CDKAL1: variants seen among roughly 807,000 people sequenced by gnomAD.
The protein encoded by CDKAL1 is CDKAL1 threonylcarbamoyladenosine tRNA methylthiotransferase.
A neutral mutation model predicts 68.2 loss-of-function variants in CDKAL1; 32 were observed. The ratio of observed to expected loss-of-function variants is 0.47; its 90% CI spans 0.35 to 0.63. The LOEUF (loss-of-function observed/expected upper bound fraction) is 0.63. Ranked by LOEUF, CDKAL1 falls within the 30% of genes least tolerant of loss-of-function variation. The probability of loss-of-function intolerance (pLI) is 0.00; values close to 1 mark genes in which losing one functional copy is unlikely to be tolerated. For missense variants in CDKAL1, 606 were observed against 696.7 expected (o/e 0.87, Z 1.47); for synonymous variants, 234 against 244.3 (o/e 0.96, Z 0.39).
chr6:20,874,750 A>G (rs1343539828), intron 9 of CDKAL1, among the ~76,000 whole-genome samples: 1 of 151,816 alleles, frequency 6.6e-6, no homozygotes, highest in Non-Finnish European at 1.5e-5. Context: ...TGATCCGCCT[A>G]CCTTGGCCTC....
chr6:20,562,348 A>C (rs569747151), intron 4 of CDKAL1, among the ~76,000 whole-genome samples: 1 of 152,268 alleles, frequency 6.6e-6, no homozygotes, highest in East Asian at 1.9e-4. Flanking sequence ...GGAAATTTAG[A>C]GTCTCTGGAG....
chr6:20,775,104 G>A (rs1410047922), intron 7 of CDKAL1, among the ~76,000 whole-genome samples: 1 of 152,120 alleles, frequency 6.6e-6, no homozygotes, highest in African/African-American at 2.4e-5. Flanking sequence ...ATATATGCCA[G>A]TCTTCCTTTC....
At chr6:20,554,040 A>G (rs1763938585) in intron 4 of CDKAL1, among the ~76,000 whole-genome samples, 1 of 151,890 alleles carries the variant, frequency 6.6e-6, no homozygotes, top group African/African-American at 2.4e-5. Flanking sequence ...GACTGGTCTA[A>G]CTCCTGGCCT....
chr6:21,185,268 G>A (rs1433245920), intron 13 of CDKAL1, among the ~76,000 whole-genome samples: 1 of 150,948 alleles, frequency 6.6e-6, no homozygotes, highest in African/African-American at 2.4e-5. Context: ...CTTTTGAAAG[G>A]TGTTACTGAT....
At chr6:21,144,674 C>T (rs1776078092) in intron 13 of CDKAL1, among the ~76,000 whole-genome samples, 1 of 150,272 alleles carries the variant, frequency 6.7e-6, no homozygotes, top group Admixed American at 6.6e-5. Context: ...GTGGCATGTA[C>T]CTATAGTCCC....
At chr6:20,907,077 C>T (rs1013708776) in intron 9 of CDKAL1, among the ~76,000 whole-genome samples, 10 of 151,892 alleles carry the variant, frequency 6.6e-5, no homozygotes, top group Admixed American at 3.3e-4. Context: ...TGAGAGTAGA[C>T]GGAATTGGGG....
At chr6:20,908,032 T>G (rs958571122) in intron 9 of CDKAL1, among the ~76,000 whole-genome samples, 1 of 152,148 alleles carries the variant, frequency 6.6e-6, no homozygotes, top group Non-Finnish European at 1.5e-5. Context: ...AGCTTCACTT[T>G]TGCTCCAAAA....
At chr6:20,618,797 G>A (rs897528331) in intron 4 of CDKAL1, among the ~76,000 whole-genome samples, 1 of 151,928 alleles carries the variant, frequency 6.6e-6, no homozygotes, top group Non-Finnish European at 1.5e-5. Flanking sequence ...TCCTGCCTCA[G>A]CCTCCTGAGT....
rs146354068 is a variant in CDKAL1 at position 20,830,750 on chromosome 6, T to C, written c.639-15325T>C. ...GCTATTCACAGGACTGGGGCATATC[T>C]CAGTGTTGTCTTTGGCAAGGAAAAG... On this transcript the variant is annotated intron_variant, in intron 8 of 15. Coordinates refer to ENST00000274695, the MANE Select transcript of CDKAL1 (RefSeq NM_017774.3). Among the ~76,000 whole-genome samples, 614 of 152,162 alleles carry C rather than the reference T, an allele frequency of 4.0e-3. 10 individuals carry two copies. The highest frequency in any genetic ancestry group is 4.8e-3 in the South Asian group (23 of 4,806).
At chr6:20,633,556 G>C (rs1767765911) in intron 4 of CDKAL1, among the ~76,000 whole-genome samples, 1 of 152,116 alleles carries the variant, frequency 6.6e-6, no homozygotes, top group Non-Finnish European at 1.5e-5. Flanking sequence ...ACTTAGGAGA[G>C]GAATTGCTAG....
chr6:20,945,330 T>C (rs1764183672), intron 9 of CDKAL1, among the ~76,000 whole-genome samples: 1 of 152,304 alleles, frequency 6.6e-6, no homozygotes, highest in South Asian at 2.1e-4. Context: ...CTGCTACATA[T>C]GATGCAAATT....
intron 10 of CDKAL1, among the ~76,000 whole-genome samples, chr6:20,974,449 A>T (rs1483428196): frequency 1.3e-5 from 2 of 152,184 alleles, no homozygotes; most frequent in African/African-American, 4.8e-5. Context: ...CCACAACTTC[A>T]CATTGGATAG....
intron 2 of CDKAL1, among the ~76,000 whole-genome samples, chr6:20,541,250 A>G (rs1013702626): frequency 1.3e-5 from 2 of 152,184 alleles, no homozygotes; most frequent in African/African-American, 4.8e-5. Context: ...TTTTGCAAGA[A>G]CAGAATACCC....
chr6:20,543,004 T>C (rs1171258234), intron 2 of CDKAL1, among the ~76,000 whole-genome samples: 1 of 152,252 alleles, frequency 6.6e-6, no homozygotes, highest in Non-Finnish European at 1.5e-5. Context: ...TTAGTACATT[T>C]CTTTTTATTG....
intron 9 of CDKAL1, among the ~76,000 whole-genome samples, chr6:20,862,679 G>A (rs1001092541): frequency 1.8e-4 from 28 of 151,980 alleles, no homozygotes; most frequent in Middle Eastern, 3.2e-3. Context: ...GTGCATGCGC[G>A]CGTGCGCATA....
chr6:20,709,754 C>T (rs190023829), intron 5 of CDKAL1, among the ~76,000 whole-genome samples: 45 of 152,104 alleles, frequency 3.0e-4, no homozygotes, highest in African/African-American at 1.1e-3. Context: ...GCTTTCTTGG[C>T]TTCATCCTTC....
intron 8 of CDKAL1, among the ~76,000 whole-genome samples, chr6:20,795,716 G>A (rs909781812): frequency 3.9e-5 from 6 of 152,038 alleles, no homozygotes; most frequent in African/African-American, 1.2e-4. Context: ...AGTAAATTTG[G>A]TTTATTCTTT....
intron 9 of CDKAL1, among the ~76,000 whole-genome samples, chr6:20,868,953 T>C (rs990648179): frequency 1.3e-5 from 2 of 152,224 alleles, no homozygotes; most frequent in Admixed American, 6.5e-5. Flanking sequence ...ATTATGCTGC[T>C]ACCAGGTGGG....
At chr6:20,944,544 C>T (rs529755075) in intron 9 of CDKAL1, among the ~76,000 whole-genome samples, 13 of 152,230 alleles carry the variant, frequency 8.5e-5, no homozygotes, top group African/African-American at 2.9e-4. Context: ...ACAGGGTTTC[C>T]ATGTTGGCCA....
Sources: allele counts gnomAD v4.1 joint callset (sites outside exome capture counted in the v4.1 genomes callset), GRCh38; gene constraint gnomAD v4.1.1; transcripts MANE v1.5; gene names NCBI Gene and HGNC (gene_info 2026-07-23, HGNC 2026-07-21).